The following CUL3 variants were observed in gnomAD, a reference collection of about 807,000 sequenced individuals.
The protein encoded by CUL3 is cullin 3.
Under a neutral mutation model 89.1 loss-of-function variants are expected in CUL3, and 19 were observed. The ratio of observed to expected loss-of-function variants is 0.21; its 90% CI spans 0.15 to 0.31. The LOEUF (loss-of-function observed/expected upper bound fraction) is 0.31, where lower values mean the gene tolerates loss of function less well. Among genes scored for constraint, CUL3 ranks in the 10% least tolerant of loss-of-function variants. CUL3 has a pLI of 1.00. For missense variants in CUL3, 469 were observed against 942.3 expected (o/e 0.50, Z 6.58); for synonymous variants, 351 against 308.4 (o/e 1.14, Z -1.45).
chr2:224,482,683 T>C, intron 13 of CUL3, among the ~76,000 whole-genome samples: 1 of 152,064 alleles, frequency 6.6e-6, no homozygotes, highest in East Asian at 1.9e-4. Flanking sequence ...TTATGAATAA[T>C]GATGTGAATG....
chr2:224,508,607 T>C (rs1423489247), intron 6 of CUL3, among the ~76,000 whole-genome samples: 1 of 152,120 alleles, frequency 6.6e-6, no homozygotes, highest in Non-Finnish European at 1.5e-5. Context: ...TAAAAGTAAA[T>C]GAAAATAATT....
intron 3 of CUL3, among the ~76,000 whole-genome samples, chr2:224,534,095 A>G (rs1177060019): frequency 6.6e-6 from 1 of 152,266 alleles, no homozygotes; most frequent in Non-Finnish European, 1.5e-5. Context: ...ATACACAAAC[A>G]TAAACACTGA....
chr2:224,583,117 T>C (rs935209976), intron 1 of CUL3, among the ~76,000 whole-genome samples: 3 of 152,100 alleles, frequency 2.0e-5, no homozygotes, highest in Non-Finnish European at 2.9e-5. Context: ...GGTGGCTCAC[T>C]CCTGTAATCC....
In CUL3 at chr2:224,471,322, T is replaced by G. The variant is rs73077720; in HGVS notation, c.*2923A>C. On this transcript the variant is annotated 3_prime_UTR_variant, in exon 16 of 16. Transcript: ENST00000264414. Reference sequence around the variant, plus strand: ...AGGCAAAGATAAAAATCTTTAACACTAGTTACTGAAAATGAGTATCTTAAA... The same window carrying G: ...AGGCAAAGATAAAAATCTTTAACACGAGTTACTGAAAATGAGTATCTTAAA... 3.7e-3 allele frequency: 745 copies of G among 203,334 alleles called. No individual in the cohort carries two copies. Among genetic ancestry groups the G allele is most frequent in the African/African-American group, 0.016 (693 of 43,834 alleles). 12.6% of individuals were successfully genotyped at this position (203,334 alleles called of 1,614,324 possible). A position where few individuals can be genotyped will look rare whatever the true frequency, so the allele number is the denominator to read the frequency against.
chr2:224,581,417 T>G (rs545451314), intron 1 of CUL3, among the ~76,000 whole-genome samples: 38 of 151,626 alleles, frequency 2.5e-4, no homozygotes, highest in Non-Finnish European at 4.1e-4. Context: ...AAAGAGGTGA[T>G]TATGTGTTAG....
At chr2:224,539,957 T>C (rs1438213519) in intron 2 of CUL3, among the ~76,000 whole-genome samples, 2 of 151,538 alleles carry the variant, frequency 1.3e-5, no homozygotes, top group Non-Finnish European at 2.9e-5. Flanking sequence ...TCAATTGTAA[T>C]AAATGTACCA....
chr2:224,501,919 A>C (rs1414031057), intron 10 of CUL3, among the ~76,000 whole-genome samples: 1 of 152,200 alleles, frequency 6.6e-6, no homozygotes, highest in African/African-American at 2.4e-5. Context: ...AAAATATATC[A>C]ATATATTAGA....
rs370022115 is a variant in CUL3 at position 224,497,732 on chromosome 2, G to A, written c.1707+21C>T. 5.0e-5 allele frequency: 78 copies of A among 1,566,076 alleles called. 1 individual carries two copies. In the Middle Eastern group the frequency reaches 6.7e-4, roughly 13 times the overall value. ...AGACTAACTTTAAGTTACTTAATAC[G>A]TTCAAACTATCAATATTTACCTTTT... On this transcript the variant is annotated intron_variant, in intron 12 of 15. Coordinates refer to ENST00000264414, the MANE Select transcript of CUL3 (RefSeq NM_003590.5).
At chr2:224,512,333 T>A (rs1200108424) in intron 5 of CUL3, among the ~76,000 whole-genome samples, 1 of 152,106 alleles carries the variant, frequency 6.6e-6, no homozygotes, top group Non-Finnish European at 1.5e-5. Context: ...CCTGATATAG[T>A]GATCCACTCG....
chr2:224,577,569 CA>C (rs34800843), intron 1 of CUL3, among the ~76,000 whole-genome samples: 91,406 of 133,200 alleles, frequency 0.69, 29,834 homozygotes, highest in South Asian at 0.73. Context: ...GACTCTGTCT[CA>C]AAAAAAAAAA....
intron 1 of CUL3, among the ~76,000 whole-genome samples, chr2:224,565,909 C>CT (rs1406633811): frequency 2.0e-5 from 3 of 152,196 alleles, no homozygotes; most frequent in African/African-American, 7.2e-5. Context: ...GGCTAGATGG[C>CT]TTTTATGGCT....
At chr2:224,514,412 T>C (rs894795559) in intron 4 of CUL3, among the ~76,000 whole-genome samples, 200 bp downstream of exon 4, 1 of 152,196 alleles carries the variant, frequency 6.6e-6, no homozygotes, top group African/African-American at 2.4e-5. Context: ...CTTAGGATAG[T>C]CTCTTCTAAA....
At chr2:224,576,851 A>T (rs1494108) in intron 1 of CUL3, among the ~76,000 whole-genome samples, 28,841 of 152,174 alleles carry the variant, frequency 0.19, 3,051 homozygotes, top group South Asian at 0.27. Flanking sequence ...ACTTACTCTA[A>T]GGATTACATG....
At chr2:224,580,260 T>C (rs1695401557) in intron 1 of CUL3, among the ~76,000 whole-genome samples, 1 of 152,212 alleles carries the variant, frequency 6.6e-6, no homozygotes, top group Non-Finnish European at 1.5e-5. Context: ...AGCTTACAAA[T>C]ACAGAAACGT....
intron 2 of CUL3, among the ~76,000 whole-genome samples, chr2:224,543,592 A>T (rs892236114): frequency 4.6e-5 from 7 of 152,206 alleles, no homozygotes; most frequent in Admixed American, 4.6e-4. Context: ...ATTTTGGAAT[A>T]TAATACTTAC....
rs779870454 is a variant in CUL3 at position 224,507,057 on chromosome 2, G to T, written c.884-54C>A. The T allele has an allele frequency of 7.8e-5, 120 of 1,543,610 alleles. 1 individual carries two copies. The South Asian group carries it at 1.0e-3, about 13-fold the overall frequency. ...CATTAAAGATTAAAGAAAAAAACAC[G>T]AATCTCTGTTCACGCTATAATACTG... On this transcript the variant is annotated intron_variant, in intron 6 of 15. Coordinates refer to ENST00000264414, the MANE Select transcript of CUL3 (RefSeq NM_003590.5).
At chr2:224,568,155 C>G (rs1695091013) in intron 1 of CUL3, among the ~76,000 whole-genome samples, 1 of 152,290 alleles carries the variant, frequency 6.6e-6, no homozygotes, top group Middle Eastern at 3.4e-3. Context: ...TCTAGGAATC[C>G]TTCACTGAAC....
chr2:224,567,075 G>A (rs1037018871), intron 1 of CUL3, among the ~76,000 whole-genome samples: 1 of 152,118 alleles, frequency 6.6e-6, no homozygotes, highest in African/African-American at 2.4e-5. Flanking sequence ...CACGTCGAAT[G>A]GGTTCCATCG....
At chr2:224,528,162 T>C (rs906154980) in intron 3 of CUL3, among the ~76,000 whole-genome samples, 1 of 152,210 alleles carries the variant, frequency 6.6e-6, no homozygotes, top group African/African-American at 2.4e-5. Context: ...TATTCTAGAA[T>C]TCAGAAAACT....
Sources: allele counts gnomAD v4.1 joint callset (sites outside exome capture counted in the v4.1 genomes callset), GRCh38; gene constraint gnomAD v4.1.1; transcripts MANE v1.5; gene names NCBI Gene and HGNC (gene_info 2026-07-23, HGNC 2026-07-21).